Variants in VPS33B observed in about 807,000 individuals in gnomAD.
VPS33B encodes VPS33B late endosome and lysosome associated.
In VPS33B, 80 loss-of-function variants were observed where a neutral mutation model predicts 95.3. The observed-to-expected ratio is 0.84, with a 90% CI of 0.70 to 1.01. VPS33B has a LOEUF of 1.01. Ranked by LOEUF, VPS33B falls within the 50% of genes least tolerant of loss-of-function variation. The pLI, the probability that VPS33B is intolerant of heterozygous loss-of-function variation, is 0.00. For missense variants in VPS33B, 715 were observed against 773.4 expected (o/e 0.92, Z 0.90); for synonymous variants, 280 against 280.4 (o/e 1.00, Z 0.01).
Position 91,002,369 on chromosome 15 carries a change from AAT to A in VPS33B, c.1273-189_1273-188del, listed in dbSNP as rs1239729018. ...GCTGGGAGCGGTGGCTCATGCCTGT[AAT>A]CCCAGCACTTTGGGTTTGGGAGGCC... is the stretch of plus-strand genomic sequence containing the variant. On this transcript the variant is annotated intron_variant, in intron 17 of 22. Coordinates refer to ENST00000333371, the MANE Select transcript of VPS33B (RefSeq NM_018668.5). This position sits in a 1 kb window ranked among gnomAD's most constrained non-coding sequence, Gnocchi z 4.7. 2.0e-5 allele frequency among the ~76,000 whole-genome samples: 3 copies of A among 152,214 alleles called. No individual in the cohort carries two copies. Among genetic ancestry groups the A allele is most frequent in the Non-Finnish European group, 4.4e-5 (3 of 68,026 alleles).
Position 91,007,686 on chromosome 15 carries a change from A to C in VPS33B, c.499-113T>G. 7.7e-7 allele frequency: 1 copy of C among 1,294,354 alleles called. No homozygotes were observed. The highest frequency in any genetic ancestry group is 1.1e-6 in the Non-Finnish European group (1 of 894,572). The allele number at this position is 1,294,354 out of a possible 1,614,324, so 80.2% of individuals were successfully genotyped here. ...GTGGCAGGGCCTGGGGGATGCTTGAAAGGTTTTCATTGGCTCCACAGGAAG... is the reference window on the plus strand; with the variant it reads ...GTGGCAGGGCCTGGGGGATGCTTGACAGGTTTTCATTGGCTCCACAGGAAG... On this transcript the variant is annotated intron_variant, in intron 7 of 22. Transcript: ENST00000333371. This position sits in a 1 kb window ranked among gnomAD's most constrained non-coding sequence, Gnocchi z 5.3.
In VPS33B at chr15:91,007,149, G is replaced by A. The variant is rs2040633811; in HGVS notation, c.604-103C>T. ...CCACGTGATACTTCCTCTTGTCCCC[G>A]AGACAGGAGCTAATTATTCACAATA... On this transcript the variant is annotated intron_variant, in intron 8 of 22. Coordinates refer to ENST00000333371, the MANE Select transcript of VPS33B (RefSeq NM_018668.5). The surrounding 1 kb of genome is among the most constrained non-coding windows in gnomAD (Gnocchi z 5.3). The A allele has an allele frequency of 8.7e-6, 11 of 1,257,888 alleles. No individual in the cohort carries two copies. In the East Asian group the frequency reaches 1.8e-4, roughly 21 times the overall value. 77.9% of individuals were successfully genotyped at this position (1,257,888 alleles called of 1,614,324 possible). A position where few individuals can be genotyped will look rare whatever the true frequency, so the allele number is the denominator to read the frequency against.
Position 91,002,111 on chromosome 15 carries a change from G to T in VPS33B, c.1344C>A (p.Pro448=). The T allele has an allele frequency of 6.2e-7, 1 of 1,614,122 alleles. No homozygotes were observed. Among genetic ancestry groups the T allele is most frequent in the Non-Finnish European group, 8.5e-7 (1 of 1,180,002 alleles). The change falls in exon 18 of 23, where the codon CCC becomes CCA. Residue 448 remains proline, a synonymous_variant. Coordinates refer to ENST00000333371, the MANE Select transcript of VPS33B (RefSeq NM_018668.5). The surrounding 1 kb of genome is among the most constrained non-coding windows in gnomAD (Gnocchi z 4.7). ...TCTCCACGGCTGTGAGGGTGTCCCC[G>T]GGGGCCTGCTCCGTTAGGAGCCCAG... The part of the protein sequence containing the change: ...RRAGLLTEQA[P]GDTLTAVESK...
At position 91,012,320 on chromosome 15, in the gene VPS33B, G is replaced by T. The variant is rs1411717238; in HGVS notation, c.357+1484C>A. ...GCTCTTTCCTCTTATTCCTTTTACA[G>T]AAGGAGAAAACAATATAAGCCTAGG... On this transcript the variant is annotated intron_variant, in intron 5 of 22. Transcript: ENST00000333371. Among the ~76,000 whole-genome samples, 5 of 152,142 alleles carry T rather than the reference G, an allele frequency of 3.3e-5. No individual in the cohort carries two copies. The East Asian group carries it at 9.6e-4, about 29-fold the overall frequency.
At position 91,012,056 on chromosome 15, in the gene VPS33B, C is replaced by T. The variant is rs142390473; in HGVS notation, c.357+1748G>A. On this transcript the variant is annotated intron_variant, in intron 5 of 22. Transcript: ENST00000333371. The stretch of plus-strand genomic sequence containing the variant: ...AAAACACCAAAGCTGTCCTTGGAAG[C>T]ATAATTTGAAAAGAAAAAAAAAAAA... Among the ~76,000 whole-genome samples the T allele has an allele frequency of 4.7e-3, 672 of 142,730 alleles. 6 individuals carry two copies. Among genetic ancestry groups the T allele is most frequent in the African/African-American group, 0.017 (648 of 38,402 alleles). The allele number at this position is 142,730 out of a possible 152,430, so 93.6% of individuals were successfully genotyped here. A position where few individuals can be genotyped will look rare whatever the true frequency, so the allele number is the denominator to read the frequency against.
Position 91,006,663 on chromosome 15 carries a change from C to T in VPS33B, c.767G>A (p.Arg256His), listed in dbSNP as rs375557658. ...ACCATAGCACTTACCACACTTGATG[C>T]GGAAGGTGTCATCTACTAGGCCCTC... Reference protein sequence around the residue: ...VYEGLVDDTFRIKCGSVDFGP... With the variant: ...VYEGLVDDTFHIKCGSVDFGP... Residue 256 changes from arginine (R) to histidine (H), a missense_variant, in exon 10 of 23, where the codon CGC becomes CAC. By Grantham distance (29) the Arg-to-His change is conservative (BLOSUM62 0). Transcript: ENST00000333371. The surrounding 1 kb of genome is among the most constrained non-coding windows in gnomAD (Gnocchi z 5.4). The T allele has an allele frequency of 1.2e-4, 194 of 1,614,058 alleles. No individual in the cohort carries two copies. The highest frequency in any genetic ancestry group is 1.6e-4 in the Non-Finnish European group (187 of 1,180,044).
At chr15:91,001,938 A>G in intron 18 of VPS33B, 112 bp downstream of exon 18, 1 of 1,546,096 alleles carries the variant, frequency 6.5e-7, no homozygotes, top group Non-Finnish European at 8.9e-7. Context: ...TGACATTAAT[A>G]GGAAGGAATC....
In VPS33B at chr15:91,013,945, A is replaced by G; in HGVS notation, c.290-74T>C. The G allele has an allele frequency of 6.4e-7, 1 of 1,563,480 alleles. No individual in the cohort carries two copies. Among genetic ancestry groups the G allele is most frequent in the Non-Finnish European group, 8.8e-7 (1 of 1,134,640 alleles). ...GCTAGAAACAGGGAAGCTGCCGGGCACAGTGGTTCACGCCTGTAATCCCAG... is the reference window on the plus strand; with the variant it reads ...GCTAGAAACAGGGAAGCTGCCGGGCGCAGTGGTTCACGCCTGTAATCCCAG... On this transcript the variant is annotated intron_variant, in intron 4 of 22. Transcript: ENST00000333371. The surrounding 1 kb of genome is among the most constrained non-coding windows in gnomAD (Gnocchi z 4.5).
Position 91,017,884 on chromosome 15 carries a change from A to G in VPS33B, c.98T>C (p.Leu33Pro), listed in dbSNP as rs2040988952. 6.2e-7 allele frequency: 1 copy of G among 1,613,926 alleles called. No individual in the cohort carries two copies. Among genetic ancestry groups the G allele is most frequent in the Non-Finnish European group, 8.5e-7 (1 of 1,179,942 alleles). Residue 33 changes from leucine to proline, a missense_variant and splice_region_variant, in exon 2 of 23, where the codon CTT becomes CCT. Physicochemically the swap from Leu to Pro is moderately conservative, Grantham distance 98. Transcript: ENST00000333371. Reference protein sequence around the residue: ...RDQLIYLLEQLPGKKDLFIEA... With the variant: ...RDQLIYLLEQPPGKKDLFIEA... ...AATGAATAAATCCTTTTTTCCAGGA[A>G]GCTGAAGGAGACACAATATGTTGGG... is the stretch of plus-strand genomic sequence containing the variant.
chr15:91,021,367 T>C (rs1347360954), intron 1 of VPS33B, among the ~76,000 whole-genome samples: 3 of 152,240 alleles, frequency 2.0e-5, no homozygotes, highest in Non-Finnish European at 2.9e-5. Flanking sequence ...TCAACATTTA[T>C]AACCAATCAG....
In VPS33B at chr15:91,005,290, AGCCAGAGAACATCTTTTAAGG is replaced by A; in HGVS notation, c.1105+69_1105+89del. The A allele has an allele frequency of 6.2e-7, 1 of 1,613,186 alleles. No homozygotes were observed. The highest frequency in any genetic ancestry group is 8.5e-7 in the Non-Finnish European group (1 of 1,179,796). On this transcript the variant is annotated intron_variant, in intron 14 of 22. Coordinates refer to ENST00000333371, the MANE Select transcript of VPS33B (RefSeq NM_018668.5). This position sits in a 1 kb window ranked among gnomAD's most constrained non-coding sequence, Gnocchi z 6.4. The stretch of plus-strand genomic sequence containing the variant: ...CACATAGCCAGTGTCAGCTGGAAAG[AGCCAGAGAACATCTTTTAAGG>A]GTGGGACGGGGCTGGGAGCTGGGGA...
At chr15:91,004,499 T>A (rs2040541424) in intron 16 of VPS33B, among the ~76,000 whole-genome samples, 1 of 152,094 alleles carries the variant, frequency 6.6e-6, no homozygotes, top group South Asian at 2.1e-4. Context: ...GCGAGACTCT[T>A]GTCTCAAAAA....
Position 91,000,985 on chromosome 15 carries a change from C to T in VPS33B, c.1480-394G>A, listed in dbSNP as rs1353785461. The T allele has an allele frequency of 5.7e-6, 2 of 349,350 alleles. No homozygotes were observed. Among genetic ancestry groups the T allele is most frequent in the Non-Finnish European group, 1.1e-5 (2 of 182,994 alleles). The allele number at this position is 349,350 out of a possible 1,614,324, so 21.6% of individuals were successfully genotyped here. A position where few individuals can be genotyped will look rare whatever the true frequency, so the allele number is the denominator to read the frequency against. ...ACTACCAAACAAAAGAATCTTTATA[C>T]ACATGAAATGACAAAAAGGTTTTTG... On this transcript the variant is annotated intron_variant, in intron 19 of 22. Transcript: ENST00000333371. The surrounding 1 kb of genome is among the most constrained non-coding windows in gnomAD (Gnocchi z 4.9).
At position 91,016,373 on chromosome 15, in the gene VPS33B, T is replaced by C. The variant is rs1312804827; in HGVS notation, c.239+590A>G. Among the ~76,000 whole-genome samples the C allele has an allele frequency of 2.1e-5, 3 of 144,714 alleles. No homozygotes were observed. The East Asian group carries it at 5.8e-4, about 28-fold the overall frequency. 94.9% of individuals were successfully genotyped at this position (144,714 alleles called of 152,430 possible). A position where few individuals can be genotyped will look rare whatever the true frequency, so the allele number is the denominator to read the frequency against. ...AAGTAATAAGAGGCCTTGCAGATTCTTCTTTTTTTTTTTTTTTTTTTTTTT... is the reference window on the plus strand; with the variant it reads ...AAGTAATAAGAGGCCTTGCAGATTCCTCTTTTTTTTTTTTTTTTTTTTTTT... On this transcript the variant is annotated intron_variant, in intron 3 of 22. Coordinates refer to ENST00000333371, the MANE Select transcript of VPS33B (RefSeq NM_018668.5).
In VPS33B at chr15:91,017,895, A is replaced by T; in HGVS notation, c.97-10T>A. 1.9e-6 allele frequency: 3 copies of T among 1,613,932 alleles called. No homozygotes were observed. Among genetic ancestry groups the T allele is most frequent in the Non-Finnish European group, 2.5e-6 (3 of 1,179,878 alleles). On this transcript the variant is annotated splice_polypyrimidine_tract_variant and intron_variant, in intron 1 of 22. Coordinates refer to ENST00000333371, the MANE Select transcript of VPS33B (RefSeq NM_018668.5). ...CCTTTTTTCCAGGAAGCTGAAGGAG[A>T]CACAATATGTTGGGTCACTCACAGG... is the stretch of plus-strand genomic sequence containing the variant.
In VPS33B at chr15:91,009,397, C is replaced by G. The variant is rs1040884788; in HGVS notation, c.403+404G>C. Among the ~76,000 whole-genome samples the G allele has an allele frequency of 6.6e-6, 1 of 152,010 alleles. No individual in the cohort carries two copies. Among genetic ancestry groups the G allele is most frequent in the Non-Finnish European group, 1.5e-5 (1 of 68,002 alleles). ...TCTCGGCTCACTGCAACCTCTGCCT[C>G]CCGGGTTCAAGCAATTCTTCTGCCT... On this transcript the variant is annotated intron_variant, in intron 6 of 22. Transcript: ENST00000333371. The surrounding 1 kb of genome is among the most constrained non-coding windows in gnomAD (Gnocchi z 4.1).
Position 91,013,166 on chromosome 15 carries a change from G to C in VPS33B, c.357+638C>G, listed in dbSNP as rs546348047. Among the ~76,000 whole-genome samples, 3 of 152,148 alleles carry C rather than the reference G, an allele frequency of 2.0e-5. No individual in the cohort carries two copies. Among genetic ancestry groups the C allele is most frequent in the Admixed American group, 1.3e-4 (2 of 15,268 alleles). ...AGGGATACAGAGCAGGTTCTACCTCGCAAGCGTGAAGCTTTTCATTTAAAA... is the reference window on the plus strand; with the variant it reads ...AGGGATACAGAGCAGGTTCTACCTCCCAAGCGTGAAGCTTTTCATTTAAAA... On this transcript the variant is annotated intron_variant, in intron 5 of 22. Transcript: ENST00000333371. This position sits in a 1 kb window ranked among gnomAD's most constrained non-coding sequence, Gnocchi z 4.5.
intron 2 of VPS33B, 181 bp from the exon 3 acceptor site, chr15:91,017,205 GA>G: frequency 1.6e-6 from 1 of 629,044 alleles, no homozygotes; most frequent in African/African-American, 1.8e-5. Context: ...ACTGTCAATA[GA>G]AAAACCTAAA....
Position 91,022,338 on chromosome 15 carries a change from C to T in VPS33B, c.-89G>A, listed in dbSNP as rs2151689147. On this transcript the variant is annotated 5_prime_UTR_variant, in exon 1 of 23. Transcript: ENST00000333371. ...CCCAGGGAAGCGCAAGGGGGGCTAT[C>T]CTTCAGGCCTGGGCACCGACTTCCA... is the stretch of plus-strand genomic sequence containing the variant. The T allele has an allele frequency of 7.3e-7, 1 of 1,363,042 alleles. No individual in the cohort carries two copies. The highest frequency in any genetic ancestry group is 2.5e-5 in the East Asian group (1 of 39,368). The allele number at this position is 1,363,042 out of a possible 1,614,324, so 84.4% of individuals were successfully genotyped here. A position where few individuals can be genotyped will look rare whatever the true frequency, so the allele number is the denominator to read the frequency against.
Sources: gnomAD v4.1 joint callset for allele counts (sites outside exome capture counted in the v4.1 genomes callset) on GRCh38, gnomAD v4.1.1 for gene constraint, Gnocchi (gnomAD v3.1) non-coding constraint, MANE v1.5 for transcripts, NCBI Gene and HGNC (gene_info 2026-07-23, HGNC 2026-07-21) for gene names.